PSMF1: variants seen among roughly 807,000 people sequenced by gnomAD.
The protein encoded by PSMF1 is proteasome inhibitor subunit 1.
Under a neutral mutation model 29.3 loss-of-function variants are expected in PSMF1, and 30 were observed. That is an observed-to-expected ratio of 1.02 (90% confidence interval 0.77 to 1.39). The LOEUF (loss-of-function observed/expected upper bound fraction) is 1.39. Among genes scored for constraint, PSMF1 ranks in the 40% most tolerant of loss-of-function variants. PSMF1 has a pLI of 0.00. For synonymous variants in PSMF1, 134 were observed against 139.7 expected, an observed-to-expected ratio of 0.96 and a Z score of 0.29; for missense variants, 344 against 357.5, an observed-to-expected ratio of 0.96 and a Z score of 0.31.
At chr20:1,153,599 G>C (rs1007715593) in intron 4 of PSMF1, among the ~76,000 whole-genome samples, 1 of 151,934 alleles carries the variant, frequency 6.6e-6, no homozygotes. Flanking sequence ...ACATTCATAG[G>C]TACTGGGGAT....
chr20:1,170,000 T>C lies in PSMF1; in HGVS notation c.*4920T>C, dbSNP rs2086774032. ...GATGCTTGCTCTAAGTACACATTAG[T>C]ACATGCTGGGCCCCAATCTAGATCT... On this transcript the variant is annotated 3_prime_UTR_variant, in exon 7 of 7. Coordinates refer to ENST00000335877, the MANE Select transcript of PSMF1 (RefSeq NM_006814.5). 6.6e-6 allele frequency among the ~76,000 whole-genome samples: 1 copy of C among 152,172 alleles called. No homozygotes were observed. The highest frequency in any genetic ancestry group is 2.4e-5 in the African/African-American group (1 of 41,448).
intron 4 of PSMF1, among the ~76,000 whole-genome samples, chr20:1,150,731 G>T (rs2086519803): frequency 6.6e-6 from 1 of 151,650 alleles, no homozygotes; most frequent in East Asian, 1.9e-4. Flanking sequence ...CCTATTAATG[G>T]TTTTTTTTAA....
intron 4 of PSMF1, among the ~76,000 whole-genome samples, chr20:1,139,751 A>AT (rs2086357582): frequency 1.3e-5 from 1 of 79,568 alleles, no homozygotes; most frequent in Non-Finnish European, 2.8e-5. Context: ...TCTCAAAAAA[A>AT]AAAAAACGAT....
intron 1 of PSMF1, among the ~76,000 whole-genome samples, chr20:1,119,648 G>A (rs2086059578): frequency 6.6e-6 from 1 of 152,116 alleles, no homozygotes; most frequent in African/African-American, 2.4e-5. Context: ...AGCTAGGGAC[G>A]TCGTTGTCAT....
chr20:1,147,172 AT>A (rs2086462477), intron 4 of PSMF1, among the ~76,000 whole-genome samples: 1 of 114,910 alleles, frequency 8.7e-6, no homozygotes, highest in Non-Finnish European at 1.8e-5. Flanking sequence ...CATCATCATC[AT>A]CATCACCACC....
Position 1,168,543 on chromosome 20 carries a change from C to T in PSMF1, c.*3463C>T, listed in dbSNP as rs2086757490. 6.6e-6 allele frequency among the ~76,000 whole-genome samples: 1 copy of T among 152,164 alleles called. No individual in the cohort carries two copies. The highest frequency in any genetic ancestry group is 2.4e-5 in the African/African-American group (1 of 41,438). Reference sequence around the variant, plus strand: ...TCAGTCATAAGTGTCTGTCAACCTCCGTTGTGAAGTCATGAGTCTCTTGAG... The same window carrying T: ...TCAGTCATAAGTGTCTGTCAACCTCTGTTGTGAAGTCATGAGTCTCTTGAG... On this transcript the variant is annotated 3_prime_UTR_variant, in exon 7 of 7. Coordinates refer to ENST00000335877, the MANE Select transcript of PSMF1 (RefSeq NM_006814.5).
chr20:1,142,556 T>C (rs1254575271), intron 4 of PSMF1, among the ~76,000 whole-genome samples: 1 of 152,186 alleles, frequency 6.6e-6, no homozygotes, highest in African/African-American at 2.4e-5. Flanking sequence ...TTGCTGAGAA[T>C]GGTGGTTTCC....
At position 1,166,230 on chromosome 20, in the gene PSMF1, G is replaced by T. The variant is rs539178062; in HGVS notation, c.*1150G>T. 6 of 1,612,410 alleles carry T rather than the reference G, an allele frequency of 3.7e-6. No homozygotes were observed. In the Admixed American group the frequency reaches 1.0e-4, roughly 27 times the overall value. ...GTGTTCTCCGGATCCTTTTCAGCCC[G>T]AGGCCTGACAGACGCGGGCAGTGAT... On this transcript the variant is annotated 3_prime_UTR_variant, in exon 7 of 7. Transcript: ENST00000335877.
intron 4 of PSMF1, among the ~76,000 whole-genome samples, chr20:1,142,029 C>G (rs574394232): frequency 1.3e-5 from 2 of 152,006 alleles, no homozygotes; most frequent in Non-Finnish European, 2.9e-5. Flanking sequence ...ACCAGCCTGG[C>G]CAACCAACAT....
chr20:1,146,149 G>C (rs953417640), intron 4 of PSMF1, among the ~76,000 whole-genome samples: 5 of 152,132 alleles, frequency 3.3e-5, no homozygotes, highest in Non-Finnish European at 7.3e-5. Context: ...TGCTGTTACA[G>C]AGGTTAGCAC....
At chr20:1,143,009 A>G (rs1027746212) in intron 4 of PSMF1, among the ~76,000 whole-genome samples, 1 of 152,260 alleles carries the variant, frequency 6.6e-6, no homozygotes, top group Non-Finnish European at 1.5e-5. Flanking sequence ...AAGAAGATCT[A>G]AATAAATGGA....
Position 1,135,212 on chromosome 20 carries a change from A to T in PSMF1, c.457A>T (p.Ser153Cys), listed in dbSNP as rs2086289334. The change falls in exon 4 of 7, where the codon AGT (serine) becomes TGT (cysteine). Residue 153 changes from serine to cysteine, a missense_variant. Ser to Cys is a moderately radical substitution (Grantham distance 112). Coordinates refer to ENST00000335877, the MANE Select transcript of PSMF1 (RefSeq NM_006814.5). Reference protein sequence around the residue: ...HEQWEKANVSSPHREFPPATA... With the variant: ...HEQWEKANVSCPHREFPPATA... The stretch of plus-strand genomic sequence containing the variant: ...GCAGTGGGAAAAGGCTAATGTAAGC[A>T]GTCCCCACCGGGAGTTCCCCCCTGC... The T allele has an allele frequency of 6.2e-7, 1 of 1,614,008 alleles. No homozygotes were observed. Among genetic ancestry groups the T allele is most frequent in the African/African-American group, 1.3e-5 (1 of 74,908 alleles).
At position 1,164,956 on chromosome 20, in the gene PSMF1, G is replaced by A; in HGVS notation, c.765-73G>A. ...ATGTTGAAGGGCAGGCTCCCTCAGT[G>A]CAGGGTCATGTCTGCCCATGTTCCC... On this transcript the variant is annotated intron_variant, in intron 6 of 6. Coordinates refer to ENST00000335877, the MANE Select transcript of PSMF1 (RefSeq NM_006814.5). The surrounding 1 kb of genome is among the most constrained non-coding windows in gnomAD (Gnocchi z 4.1). 7.6e-7 allele frequency: 1 copy of A among 1,316,882 alleles called. No individual in the cohort carries two copies. The highest frequency in any genetic ancestry group is 1.1e-6 in the Non-Finnish European group (1 of 910,142). 81.6% of individuals were successfully genotyped at this position (1,316,882 alleles called of 1,614,324 possible).
rs981857645 is a variant in PSMF1, at chr20:1,165,222, C to T, written c.*142C>T. On this transcript the variant is annotated 3_prime_UTR_variant, in exon 7 of 7. Transcript: ENST00000335877. Reference sequence around the variant, plus strand: ...TGCAGACCGGCTGGGATAGCCTCCCCACCCCTTATCAGAGCCAAGACACCT... The same window carrying T: ...TGCAGACCGGCTGGGATAGCCTCCCTACCCCTTATCAGAGCCAAGACACCT... 10 of 1,473,238 alleles carry T rather than the reference C, an allele frequency of 6.8e-6. No individual in the cohort carries two copies. The Admixed American group carries it at 2.4e-4, about 36-fold the overall frequency. The allele number at this position is 1,473,238 out of a possible 1,614,324, so 91.3% of individuals were successfully genotyped here.
chr20:1,129,128 C>T (rs932977389), intron 3 of PSMF1, among the ~76,000 whole-genome samples: 2 of 152,074 alleles, frequency 1.3e-5, no homozygotes, highest in Admixed American at 1.3e-4. Flanking sequence ...ATCCACCTGC[C>T]TTGGCCTCCC....
chr20:1,171,731 A>C lies in PSMF1; in HGVS notation c.*6651A>C, dbSNP rs1224623766. On this transcript the variant is annotated 3_prime_UTR_variant, in exon 7 of 7. Transcript: ENST00000335877. Reference sequence around the variant, plus strand: ...GAGGCCTTTGGAGCCAGCTCAGGTCAGTGTCTGCTGCTTCCTTACCCAGGA... The same window carrying C: ...GAGGCCTTTGGAGCCAGCTCAGGTCCGTGTCTGCTGCTTCCTTACCCAGGA... Among the ~76,000 whole-genome samples the C allele has an allele frequency of 1.3e-5, 2 of 152,184 alleles. No individual in the cohort carries two copies. Among genetic ancestry groups the C allele is most frequent in the Non-Finnish European group, 2.9e-5 (2 of 68,034 alleles).
rs77624248 is a variant in PSMF1, at chr20:1,164,667, C to T, written c.764+191C>T. 6.6e-6 allele frequency among the ~76,000 whole-genome samples: 1 copy of T among 152,184 alleles called. No homozygotes were observed. The highest frequency in any genetic ancestry group is 1.5e-5 in the Non-Finnish European group (1 of 68,034). On this transcript the variant is annotated intron_variant, in intron 6 of 6. Coordinates refer to ENST00000335877, the MANE Select transcript of PSMF1 (RefSeq NM_006814.5). This position sits in a 1 kb window ranked among gnomAD's most constrained non-coding sequence, Gnocchi z 4.1. The stretch of plus-strand genomic sequence containing the variant: ...AGCCTTCTAGGAGCTTCCTATCCCT[C>T]AGTGCCTCTCTTTCCCCAGCTCCAC...
intron 3 of PSMF1, among the ~76,000 whole-genome samples, chr20:1,133,451 A>G (rs1232030101): frequency 6.7e-6 from 1 of 150,102 alleles, no homozygotes; most frequent in Non-Finnish European, 1.5e-5. Flanking sequence ...ATACTTGGTC[A>G]TGGCATATAG....
At chr20:1,113,276 C>G (rs2085983353) in exon 1 of PSMF1, 1 of 152,168 alleles carries the variant, frequency 6.6e-6, no homozygotes, top group Non-Finnish European at 1.5e-5. Context: ...CAAGTTCTTT[C>G]CATCATCCTG....
Sources: allele counts gnomAD v4.1 joint callset (sites outside exome capture counted in the v4.1 genomes callset), GRCh38; gene constraint gnomAD v4.1.1; non-coding constraint Gnocchi (gnomAD v3.1); transcripts MANE v1.5; gene names NCBI Gene and HGNC (gene_info 2026-07-23, HGNC 2026-07-21).